Variants in GP5 observed in about 807,000 individuals in gnomAD.
The protein encoded by GP5 is platelet glycoprotein V.
For synonymous variants in GP5, 382 were observed against 353.9 expected (o/e 1.08, Z -0.89); for missense variants, 755 against 737.1 (o/e 1.02, Z -0.28).
rs1224317390 is a variant in GP5, at chr3:194,397,766, T to C, written c.517A>G (p.Lys173Glu). The C allele has an allele frequency of 6.2e-7, 1 of 1,613,746 alleles. No individual in the cohort carries two copies. Residue 173 changes from lysine (K) to glutamate (E), a missense_variant, in exon 2 of 2, where the codon AAG (lysine) becomes GAG (glutamate). Physicochemically the swap from Lys to Glu is moderately conservative, Grantham distance 56. Coordinates refer to ENST00000692618, the MANE Select transcript of GP5 (RefSeq NM_004488.2). The surrounding 1 kb of genome is among the most constrained non-coding windows in gnomAD (Gnocchi z 7.2). ...ASLFTNLENL[K>E]LLDLSGNNLT... ...TTGTTTCCCGATAAATCCAACAACT[T>C]CAGGTTCTCCAGATTCGTGAAGAGA...
chr3:194,397,080 G>C lies in GP5; in HGVS notation c.1203C>G (p.Thr401=). The C allele has an allele frequency of 6.3e-7, 1 of 1,595,654 alleles. No individual in the cohort carries two copies. Among genetic ancestry groups the C allele is most frequent in the African/African-American group, 1.3e-5 (1 of 74,990 alleles). ...SVQLDHNQLE[T]LPGDVFGALP... ...GAGCCCCAAACACGTCGCCAGGCAG[G>C]GTCTCCAGCTGGTTGTGGTCGAGCT... Residue 401 remains threonine, a synonymous_variant, in exon 2 of 2, where the codon ACC becomes ACG. Transcript: ENST00000692618. The surrounding 1 kb of genome is among the most constrained non-coding windows in gnomAD (Gnocchi z 7.2).
chr3:194,394,916 T>C lies in GP5; in HGVS notation c.*1684A>G, dbSNP rs1436652593. 6.6e-6 allele frequency: 1 copy of C among 152,202 alleles called. No individual in the cohort carries two copies. The highest frequency in any genetic ancestry group is 1.5e-5 in the Non-Finnish European group (1 of 68,036). 9.4% of individuals were successfully genotyped at this position (152,202 alleles called of 1,614,324 possible). Reference sequence around the variant, plus strand: ...AGACTGATGTGAATGTAACCTCCAGTCTGAGAAAGTTCGGACTTACCCTTA... The same window carrying C: ...AGACTGATGTGAATGTAACCTCCAGCCTGAGAAAGTTCGGACTTACCCTTA... On this transcript the variant is annotated 3_prime_UTR_variant, in exon 2 of 2. Coordinates refer to ENST00000692618, the MANE Select transcript of GP5 (RefSeq NM_004488.2).
At chr3:194,398,346 C>T in intron 1 of GP5, 62 bp from the exon 2 acceptor site, 1 of 1,456,660 alleles carries the variant, frequency 6.9e-7, no homozygotes, top group Non-Finnish European at 9.2e-7. Flanking sequence ...GTACTGAACC[C>T]TGGGATCCTG....
In GP5 at chr3:194,396,933, C is replaced by G; in HGVS notation, c.1350G>C (p.Arg450=). Reference sequence around the variant, plus strand: ...CGGCGTGCGCCCCAGGGCCTGCGCACCGTGGGGGCTCTTCCCCGCCCACGA... The same window carrying G: ...CGGCGTGCGCCCCAGGGCCTGCGCAGCGTGGGGGCTCTTCCCCGCCCACGA... ...LGLVGGEEPP[R]CAGPGAHAGL... The change falls in exon 2 of 2, where the codon CGG becomes CGC. Residue 450 remains arginine (R), a synonymous_variant. Transcript: ENST00000692618. 6.5e-7 allele frequency: 1 copy of G among 1,534,556 alleles called. No homozygotes were observed. The highest frequency in any genetic ancestry group is 8.8e-7 in the Non-Finnish European group (1 of 1,142,630).
At position 194,397,565 on chromosome 3, in the gene GP5, G is replaced by A. The variant is rs866113497; in HGVS notation, c.718C>T (p.Arg240Trp). ...IRSIAPGAFDRLPNLSSLTLS... is the reference protein window; with the variant it reads ...IRSIAPGAFDWLPNLSSLTLS... The stretch of plus-strand genomic sequence containing the variant: ...GTCAAAGAACTGAGGTTTGGGAGCC[G>A]GTCGAAGGCCCCGGGTGCGATGGAA... The change falls in exon 2 of 2, where the codon CGG becomes TGG. Residue 240 changes from arginine (R) to tryptophan (W), a missense_variant. Coordinates refer to ENST00000692618, the MANE Select transcript of GP5 (RefSeq NM_004488.2). The surrounding 1 kb of genome is among the most constrained non-coding windows in gnomAD (Gnocchi z 7.2). 4.3e-6 allele frequency: 7 copies of A among 1,614,040 alleles called. No homozygotes were observed. Among genetic ancestry groups the A allele is most frequent in the African/African-American group, 4.0e-5 (3 of 74,928 alleles).
In GP5 at chr3:194,397,202, C is replaced by T. The variant is rs746725604; in HGVS notation, c.1081G>A (p.Gly361Ser). Reference protein sequence around the residue: ...LTALPDGLLRGLGKLRQVSLR... With the variant: ...LTALPDGLLRSLGKLRQVSLR... ...GACACCTGGCGCAGCTTGCCGAGGCCGCGCAGCAAGCCGTCGGGGAGGGCG... is the reference window on the plus strand; with the variant it reads ...GACACCTGGCGCAGCTTGCCGAGGCTGCGCAGCAAGCCGTCGGGGAGGGCG... Residue 361 changes from glycine to serine, a missense_variant, in exon 2 of 2, where the codon GGC (glycine) becomes AGC (serine). Physicochemically the swap from Gly to Ser is moderately conservative, Grantham distance 56. Coordinates refer to ENST00000692618, the MANE Select transcript of GP5 (RefSeq NM_004488.2). The surrounding 1 kb of genome is among the most constrained non-coding windows in gnomAD (Gnocchi z 7.2). 9 of 1,570,478 alleles carry T rather than the reference C, an allele frequency of 5.7e-6. No individual in the cohort carries two copies. The Admixed American group carries it at 1.6e-4, about 28-fold the overall frequency.
Position 194,396,984 on chromosome 3 carries a change from C to G in GP5, c.1299G>C (p.Leu433=). The change falls in exon 2 of 2, where the codon CTG becomes CTC. Residue 433 remains leucine, a synonymous_variant. Coordinates refer to ENST00000692618, the MANE Select transcript of GP5 (RefSeq NM_004488.2). ...GGCCTAGGTGCTGCCGCAGCCACCC[C>G]AGGAAGGGCCCCAGGCCACAGTCGC... The part of the protein sequence containing the change: ...WRCDCGLGPF[L]GWLRQHLGLV... 1 of 1,589,106 alleles carries G rather than the reference C, an allele frequency of 6.3e-7. No individual in the cohort carries two copies. The highest frequency in any genetic ancestry group is 1.3e-5 in the African/African-American group (1 of 74,768).
At position 194,396,729 on chromosome 3, in the gene GP5, A is replaced by G. The variant is rs1714467969; in HGVS notation, c.1554T>C (p.His518=). The change falls in exon 2 of 2, where the codon CAT becomes CAC. Residue 518 remains histidine, a synonymous_variant. Coordinates refer to ENST00000692618, the MANE Select transcript of GP5 (RefSeq NM_004488.2). ...GAAAATAAAACCCCCAGAACGGACT[A>G]TGATCTTGACCTTTGCCCGTGGTCA... ...QPVTTGKGQD[H]SPFWGFYFLL... 1.2e-6 allele frequency: 2 copies of G among 1,614,128 alleles called. No homozygotes were observed. The highest frequency in any genetic ancestry group is 1.7e-6 in the Non-Finnish European group (2 of 1,179,982).
chr3:194,396,465 C>G lies in GP5; in HGVS notation c.*135G>C. 2 of 662,156 alleles carry G rather than the reference C, an allele frequency of 3.0e-6. No homozygotes were observed. Among genetic ancestry groups the G allele is most frequent in the Non-Finnish European group, 5.1e-6 (2 of 389,216 alleles). The allele number at this position is 662,156 out of a possible 1,614,324, so 41.0% of individuals were successfully genotyped here. A position where few individuals can be genotyped will look rare whatever the true frequency, so the allele number is the denominator to read the frequency against. On this transcript the variant is annotated 3_prime_UTR_variant, in exon 2 of 2. Transcript: ENST00000692618. ...AGGGGGAGGAGGAGGGAAAGGAAGG[C>G]GTGGCAGTGAGAGAGAAGAGGAAGA...
chr3:194,397,217 C>G lies in GP5; in HGVS notation c.1066G>C (p.Asp356His), dbSNP rs372994408. 8 of 1,570,286 alleles carry G rather than the reference C, an allele frequency of 5.1e-6. No individual in the cohort carries two copies. In the East Asian group the frequency reaches 1.6e-4, roughly 32 times the overall value. Reference protein sequence around the residue: ...LHSNGLTALPDGLLRGLGKLR... With the variant: ...LHSNGLTALPHGLLRGLGKLR... ...TTGCCGAGGCCGCGCAGCAAGCCGT[C>G]GGGGAGGGCGGTCAGGCCGTTGGAG... The change falls in exon 2 of 2, where the codon GAC becomes CAC. Residue 356 changes from aspartate (D) to histidine (H), a missense_variant. Physicochemically the swap from Asp to His is moderately conservative, Grantham distance 81. Transcript: ENST00000692618. This position sits in a 1 kb window ranked among gnomAD's most constrained non-coding sequence, Gnocchi z 7.2.
rs1320907724 is a variant in GP5, at chr3:194,397,203, G to A, written c.1080C>T (p.Arg360=). ...GLTALPDGLL[R]GLGKLRQVSL... ...ACACCTGGCGCAGCTTGCCGAGGCC[G>A]CGCAGCAAGCCGTCGGGGAGGGCGG... Residue 360 remains arginine, a synonymous_variant, in exon 2 of 2, where the codon CGC becomes CGT. Coordinates refer to ENST00000692618, the MANE Select transcript of GP5 (RefSeq NM_004488.2). This position sits in a 1 kb window ranked among gnomAD's most constrained non-coding sequence, Gnocchi z 7.2. 5 of 1,569,854 alleles carry A rather than the reference G, an allele frequency of 3.2e-6. No individual in the cohort carries two copies. The highest frequency in any genetic ancestry group is 2.7e-5 in the African/African-American group (2 of 74,260).
In GP5 at chr3:194,397,323, C is replaced by A. The variant is rs776175659; in HGVS notation, c.960G>T (p.Gly320=). The change falls in exon 2 of 2, where the codon GGG becomes GGT. Residue 320 remains glycine, a synonymous_variant. Coordinates refer to ENST00000692618, the MANE Select transcript of GP5 (RefSeq NM_004488.2). The surrounding 1 kb of genome is among the most constrained non-coding windows in gnomAD (Gnocchi z 7.2). ...FRNLSRLRYL[G]VTLSPRLSAL... ...CGCTCAGCCGCGGGCTCAGAGTCAC[C>A]CCTAAGTACCGCAGGCGGCTCAGGT... 6.9e-6 allele frequency: 11 copies of A among 1,594,960 alleles called. No individual in the cohort carries two copies. The highest frequency in any genetic ancestry group is 5.4e-5 in the African/African-American group (4 of 74,734).
In GP5 at chr3:194,396,605, C is replaced by G. The variant is rs1440913876; in HGVS notation, c.1678G>C (p.Gly560Arg). ...FRKLIRERAL[G>R] is the part of the protein sequence containing the mutation. ...TAGAAGATTTTCCCATTGGTTTACCCAAGGGCTCTCTCTCTGATTAATTTT... is the reference window on the plus strand; with the variant it reads ...TAGAAGATTTTCCCATTGGTTTACCGAAGGGCTCTCTCTCTGATTAATTTT... Residue 560 changes from glycine (G) to arginine (R), a missense_variant, in exon 2 of 2, where the codon GGG (glycine) becomes CGG (arginine). Gly to Arg is a moderately radical substitution (Grantham distance 125). Transcript: ENST00000692618. The G allele has an allele frequency of 1.2e-6, 2 of 1,607,984 alleles. No homozygotes were observed. The highest frequency in any genetic ancestry group is 2.2e-5 in the East Asian group (1 of 44,812).
chr3:194,397,278 G>A lies in GP5; in HGVS notation c.1005C>T (p.Phe335=). Residue 335 remains phenylalanine (F), a synonymous_variant, in exon 2 of 2, where the codon TTC becomes TTT. Transcript: ENST00000692618. The surrounding 1 kb of genome is among the most constrained non-coding windows in gnomAD (Gnocchi z 7.2). ...GCACCTGGAGCTCGCCAAGGCCCTGGAAGGCGCCCTGCGGAAGCGCGCTCA... is the reference window on the plus strand; with the variant it reads ...GCACCTGGAGCTCGCCAAGGCCCTGAAAGGCGCCCTGCGGAAGCGCGCTCA... The part of the protein sequence containing the change: ...PRLSALPQGA[F]QGLGELQVLA... 2.5e-6 allele frequency: 4 copies of A among 1,581,726 alleles called. No homozygotes were observed. The South Asian group carries it at 4.5e-5, about 18-fold the overall frequency.
Position 194,397,722 on chromosome 3 carries a change from C to T in GP5, c.561G>A (p.Lys187=). ...LSGNNLTHLP[K]GLLGAQAKLE... ...GCTTAGCCTGTGCTCCAAGCAACCCCTTGGGCAGGTGGGTCAGGTTGTTTC... is the reference window on the plus strand; with the variant it reads ...GCTTAGCCTGTGCTCCAAGCAACCCTTTGGGCAGGTGGGTCAGGTTGTTTC... The change falls in exon 2 of 2, where the codon AAG becomes AAA. Residue 187 remains lysine, a synonymous_variant. Coordinates refer to ENST00000692618, the MANE Select transcript of GP5 (RefSeq NM_004488.2). The surrounding 1 kb of genome is among the most constrained non-coding windows in gnomAD (Gnocchi z 7.2). The T allele has an allele frequency of 1.9e-6, 3 of 1,613,962 alleles. No individual in the cohort carries two copies. The highest frequency in any genetic ancestry group is 2.5e-6 in the Non-Finnish European group (3 of 1,179,950).
In GP5 at chr3:194,397,695, G is replaced by A. The variant is rs773407579; in HGVS notation, c.588C>T (p.Leu196=). The change falls in exon 2 of 2, where the codon CTC becomes CTT. Residue 196 remains leucine, a synonymous_variant. Transcript: ENST00000692618. The surrounding 1 kb of genome is among the most constrained non-coding windows in gnomAD (Gnocchi z 7.2). ...PKGLLGAQAK[L]ERLLLHSNRL... ...GGTTCGAGTGGAGCAGAAGTCTCTC[G>A]AGCTTAGCCTGTGCTCCAAGCAACC... 6.2e-7 allele frequency: 1 copy of A among 1,614,034 alleles called. No homozygotes were observed. The highest frequency in any genetic ancestry group is 2.2e-5 in the East Asian group (1 of 44,868).
rs2108671840 is a variant in GP5 at position 194,397,059 on chromosome 3, C to T, written c.1224G>A (p.Gly408=). 1.3e-6 allele frequency: 2 copies of T among 1,596,794 alleles called. No individual in the cohort carries two copies. The highest frequency in any genetic ancestry group is 1.7e-6 in the Non-Finnish European group (2 of 1,178,668). Reference sequence around the variant, plus strand: ...GGACCTCCGTCAGCCGGGGCAGAGCCCCAAACACGTCGCCAGGCAGGGTCT... The same window carrying T: ...GGACCTCCGTCAGCCGGGGCAGAGCTCCAAACACGTCGCCAGGCAGGGTCT... ...QLETLPGDVF[G]ALPRLTEVLL... is the part of the protein sequence containing the mutation. The change falls in exon 2 of 2, where the codon GGG becomes GGA. Residue 408 remains glycine, a synonymous_variant. Transcript: ENST00000692618. The surrounding 1 kb of genome is among the most constrained non-coding windows in gnomAD (Gnocchi z 7.2).
Position 194,398,222 on chromosome 3 carries a change from A to G in GP5, c.61T>C (p.Cys21Arg). ...LGLLRAQPFP[C>R]PPACKCVFRD... ...AAGACACACTTGCAAGCTGGCGGAC[A>G]GGGGAAGGGCTGGGCGCGCAGAAGC... Residue 21 changes from cysteine to arginine, a missense_variant, in exon 2 of 2, where the codon TGT becomes CGT. Cys to Arg is a radical substitution (Grantham distance 180, BLOSUM62 -3). Transcript: ENST00000692618. 1.2e-6 allele frequency: 2 copies of G among 1,612,432 alleles called. No homozygotes were observed. The highest frequency in any genetic ancestry group is 8.5e-7 in the Non-Finnish European group (1 of 1,179,514).
chr3:194,396,553 G>A lies in GP5; in HGVS notation c.*47C>T. The A allele has an allele frequency of 6.6e-7, 1 of 1,507,858 alleles. No homozygotes were observed. Among genetic ancestry groups the A allele is most frequent in the Non-Finnish European group, 9.0e-7 (1 of 1,113,024 alleles). The allele number at this position is 1,507,858 out of a possible 1,614,324, so 93.4% of individuals were successfully genotyped here. ...GCAGCGGGTCTGGATTCCCCTCCGAGCCACATCTGGTCAGGTTCTAAGTAA... is the reference window on the plus strand; with the variant it reads ...GCAGCGGGTCTGGATTCCCCTCCGAACCACATCTGGTCAGGTTCTAAGTAA... On this transcript the variant is annotated 3_prime_UTR_variant, in exon 2 of 2. Coordinates refer to ENST00000692618, the MANE Select transcript of GP5 (RefSeq NM_004488.2).
Sources: gnomAD v4.1 joint callset for allele counts on GRCh38, gnomAD v4.1.1 for gene constraint, Gnocchi (gnomAD v3.1) non-coding constraint, MANE v1.5 for transcripts, NCBI Gene and HGNC (gene_info 2026-07-23, HGNC 2026-07-21) for gene names.